The following CADPS2 variants were observed in gnomAD, a reference collection of about 807,000 sequenced individuals.
CADPS2 encodes calcium-dependent secretion activator 2.
A neutral mutation model predicts 172.5 loss-of-function variants in CADPS2; 93 were observed. That is an observed-to-expected ratio of 0.54 (90% CI 0.46 to 0.64). The LOEUF (loss-of-function observed/expected upper bound fraction) is 0.64, where lower values mean the gene tolerates loss of function less well. CADPS2 is among the 30% of genes least tolerant of loss of function. The probability of loss-of-function intolerance (pLI) is 0.00; values close to 1 mark genes in which losing one functional copy is unlikely to be tolerated. For synonymous variants in CADPS2, 546 were observed against 555.2 expected, an observed-to-expected ratio of 0.98 and a Z score of 0.23; for missense variants, 1,420 against 1,565.9, an observed-to-expected ratio of 0.91 and a Z score of 1.57.
chr7:122,378,885 C>G (rs1422760063), intron 25 of CADPS2: 1 of 153,916 alleles, frequency 6.5e-6, no homozygotes, highest in Non-Finnish European at 1.4e-5. Flanking sequence ...AAGATCATCG[C>G]TTTCATCAAA....
At chr7:122,588,032 T>C (rs1170759473) in intron 6 of CADPS2, among the ~76,000 whole-genome samples, 1 of 152,100 alleles carries the variant, frequency 6.6e-6, no homozygotes, top group African/African-American at 2.4e-5. Context: ...TCTGTTTATG[T>C]CCTTTGCCCA....
intron 4 of CADPS2, among the ~76,000 whole-genome samples, chr7:122,626,189 C>A (rs1563894919): frequency 1.3e-5 from 2 of 149,636 alleles, no homozygotes; most frequent in Non-Finnish European, 3.0e-5. Flanking sequence ...TTCTTTTTTT[C>A]TCAGCAACAT....
intron 1 of CADPS2, among the ~76,000 whole-genome samples, chr7:122,812,824 C>G (rs1034159801): frequency 1.1e-4 from 17 of 152,150 alleles, no homozygotes; most frequent in Admixed American, 1.3e-4. Context: ...AAACCTAGTT[C>G]TATTACTACC....
At chr7:122,517,481 G>C (rs1259168130) in intron 8 of CADPS2, among the ~76,000 whole-genome samples, 2 of 151,968 alleles carry the variant, frequency 1.3e-5, no homozygotes, top group Non-Finnish European at 1.5e-5. Flanking sequence ...CTGCCAAATT[G>C]TTTTCCAAAC....
At chr7:122,573,306 T>G (rs777625761) in intron 7 of CADPS2, among the ~76,000 whole-genome samples, 7 of 151,552 alleles carry the variant, frequency 4.6e-5, no homozygotes, top group Non-Finnish European at 8.8e-5. Context: ...CTTTGGGAGG[T>G]TGGGATGGGA....
At chr7:122,414,717 T>C (rs1383717456) in intron 18 of CADPS2, among the ~76,000 whole-genome samples, 1 of 152,196 alleles carries the variant, frequency 6.6e-6, no homozygotes, top group Admixed American at 6.5e-5. Flanking sequence ...TATAACCAGA[T>C]ATCATATTTA....
At chr7:122,382,462 A>C (rs1321012593) in intron 24 of CADPS2, among the ~76,000 whole-genome samples, 2 of 152,122 alleles carry the variant, frequency 1.3e-5, no homozygotes, top group Non-Finnish European at 2.9e-5. Flanking sequence ...GGTGTGCTTA[A>C]ACTAGTTCAT....
rs752718859 is a variant in CADPS2, at chr7:122,393,278, TTGG to T, written c.2923_2925del (p.Pro975del). 98 of 1,613,774 alleles carry T rather than the reference TTGG, an allele frequency of 6.1e-5. 1 individual carries two copies. The highest frequency in any genetic ancestry group is 7.5e-5 in the Non-Finnish European group (89 of 1,179,824). On this transcript the variant is annotated inframe_deletion, in exon 22 of 30. Coordinates refer to ENST00000449022, the MANE Select transcript of CADPS2 (RefSeq NM_017954.11). ...AGATTAAGAGGCAGACTTGGAACTT[TTGG>T]AAGAGCTACATTGGGAAGACTGTTG... is the stretch of plus-strand genomic sequence containing the variant.
At chr7:122,486,650 C>G (rs1405532735) in intron 11 of CADPS2, among the ~76,000 whole-genome samples, 1 of 152,150 alleles carries the variant, frequency 6.6e-6, no homozygotes, top group African/African-American at 2.4e-5. Context: ...AAACTTAGTT[C>G]GTAAAGCAGA....
At position 122,320,162 on chromosome 7, in the gene CADPS2, A is replaced by G. The variant is rs1476984864; in HGVS notation, c.*3T>C. The G allele has an allele frequency of 6.3e-7, 1 of 1,596,856 alleles. No homozygotes were observed. The highest frequency in any genetic ancestry group is 1.1e-5 in the South Asian group (1 of 87,930). On this transcript the variant is annotated 3_prime_UTR_variant, in exon 30 of 30. Coordinates refer to ENST00000449022, the MANE Select transcript of CADPS2 (RefSeq NM_017954.11). ...TTCCTTCCTTCTGCAAAGCTGTGTG[A>G]TATCAGCCTTCTTCTTCTTCGTCAC... is the stretch of plus-strand genomic sequence containing the variant.
At chr7:122,723,432 C>T (rs762209520) in intron 2 of CADPS2, among the ~76,000 whole-genome samples, 67 of 152,272 alleles carry the variant, frequency 4.4e-4, no homozygotes, top group Admixed American at 9.2e-4. Flanking sequence ...AAAAAATGCT[C>T]ATCATCACAG....
intron 1 of CADPS2, among the ~76,000 whole-genome samples, chr7:122,816,713 T>C (rs571844196): frequency 6.6e-6 from 1 of 152,222 alleles, no homozygotes. Flanking sequence ...CCTGTCTTTT[T>C]TGTAAAAGTC....
intron 2 of CADPS2, among the ~76,000 whole-genome samples, chr7:122,720,666 C>T (rs895696171): frequency 6.6e-5 from 10 of 151,372 alleles, no homozygotes; most frequent in Middle Eastern, 3.2e-3. Context: ...AGAGCCCGTG[C>T]GAAACTTTGG....
intron 2 of CADPS2, among the ~76,000 whole-genome samples, chr7:122,716,460 G>C (rs1245352439): frequency 6.6e-6 from 1 of 152,052 alleles, no homozygotes; most frequent in African/African-American, 2.4e-5. Context: ...AAAAGAGCAG[G>C]GGTAAGGGAG....
At chr7:122,452,897 G>C (rs1489498812) in intron 14 of CADPS2, among the ~76,000 whole-genome samples, 1 of 152,098 alleles carries the variant, frequency 6.6e-6, no homozygotes, top group African/African-American at 2.4e-5. Context: ...ATGTATGTGT[G>C]TGTGTATATA....
chr7:122,790,580 A>G (rs1795090145), intron 1 of CADPS2, among the ~76,000 whole-genome samples: 2 of 152,156 alleles, frequency 1.3e-5, no homozygotes, highest in Admixed American at 1.3e-4. Context: ...CAGGACTTAA[A>G]AATATCAAGG....
intron 2 of CADPS2, among the ~76,000 whole-genome samples, chr7:122,719,071 T>C (rs2090046524): frequency 6.6e-6 from 1 of 152,096 alleles, no homozygotes; most frequent in Admixed American, 6.6e-5. Flanking sequence ...CTACGTTATA[T>C]AAACACAGCT....
intron 2 of CADPS2, among the ~76,000 whole-genome samples, chr7:122,703,773 A>C (rs78593990): frequency 0.025 from 3,854 of 152,206 alleles, 100 homozygotes; most frequent in East Asian, 0.13. Flanking sequence ...TAGGCAAAAG[A>C]AGATAGTGGC....
At chr7:122,659,324 A>AAAAC (rs1745243719) in intron 3 of CADPS2, among the ~76,000 whole-genome samples, 1 of 151,572 alleles carries the variant, frequency 6.6e-6, no homozygotes, top group Non-Finnish European at 1.5e-5. Flanking sequence ...AAAAAAAAAA[A>AAAAC]AACACCGTGG....
Sources: gnomAD v4.1 joint callset for allele counts (sites outside exome capture counted in the v4.1 genomes callset) on GRCh38, gnomAD v4.1.1 for gene constraint, MANE v1.5 for transcripts, NCBI Gene and HGNC (gene_info 2026-07-23, HGNC 2026-07-21) for gene names.